Variants in PDGFRA observed in about 807,000 individuals in gnomAD.
The protein encoded by PDGFRA is platelet-derived growth factor receptor alpha.
Under a neutral mutation model 121.5 loss-of-function variants are expected in PDGFRA, and 25 were observed. The ratio of observed to expected loss-of-function variants is 0.21; its 90% CI spans 0.15 to 0.29. The LOEUF is 0.29. Ranked by LOEUF, PDGFRA falls within the 10% of genes least tolerant of loss-of-function variation. The pLI is 1.00. For missense variants in PDGFRA, 1,008 were observed against 1,345.1 expected, an observed-to-expected ratio of 0.75 and a Z score of 3.92; for synonymous variants, 463 against 494.8, an observed-to-expected ratio of 0.94 and a Z score of 0.85.
chr4:54,241,645 G>A (rs531854852), intron 1 of PDGFRA, among the ~76,000 whole-genome samples: 1 of 151,988 alleles, frequency 6.6e-6, no homozygotes, highest in African/African-American at 2.4e-5. Context: ...CGCATCCTGG[G>A]TTCAGGCATT....
At chr4:54,291,893 T>C (rs1274243142) in intron 22 of PDGFRA, among the ~76,000 whole-genome samples, 1 of 152,110 alleles carries the variant, frequency 6.6e-6, no homozygotes, top group Non-Finnish European at 1.5e-5. Flanking sequence ...CCATTGACAG[T>C]AGACTGGATA....
chr4:54,244,039 G>T (rs912091336), intron 1 of PDGFRA, among the ~76,000 whole-genome samples: 3 of 152,234 alleles, frequency 2.0e-5, no homozygotes, highest in African/African-American at 7.2e-5. Flanking sequence ...GCCCAGGCTT[G>T]CTTAGGTAAA....
At chr4:54,249,304 A>C (rs1184018717) in intron 1 of PDGFRA, among the ~76,000 whole-genome samples, 1 of 152,248 alleles carries the variant, frequency 6.6e-6, no homozygotes, top group Non-Finnish European at 1.5e-5. Flanking sequence ...GAAGGATTAT[A>C]AATCATGCTG....
chr4:54,278,039 C>T (rs1185660486), intron 14 of PDGFRA, 33 bp downstream of exon 14: 2 of 1,237,848 alleles, frequency 1.6e-6, no homozygotes, highest in African/African-American at 1.5e-5. Context: ...AGGATTTTCA[C>T]TGGACACATG....
intron 1 of PDGFRA, among the ~76,000 whole-genome samples, chr4:54,232,728 G>A (rs1720754041): frequency 2.0e-5 from 3 of 152,158 alleles, no homozygotes; most frequent in Admixed American, 6.5e-5. Flanking sequence ...GGGATTACAG[G>A]TGCCCGCCAC....
intron 1 of PDGFRA, among the ~76,000 whole-genome samples, chr4:54,237,796 G>A (rs746865864): frequency 5.3e-5 from 8 of 152,146 alleles, no homozygotes; most frequent in Non-Finnish European, 7.3e-5. Flanking sequence ...AAAATGGAAG[G>A]AGGAGGTATA....
In PDGFRA at chr4:54,248,547, C is replaced by T. The variant is rs534355594; in HGVS notation, c.-12-10210C>T. Among the ~76,000 whole-genome samples the T allele has an allele frequency of 5.6e-3, 857 of 152,256 alleles. 5 individuals carry two copies. Among genetic ancestry groups the T allele is most frequent in the African/African-American group, 0.019 (775 of 41,544 alleles). On this transcript the variant is annotated intron_variant, in intron 1 of 22. Transcript: ENST00000257290. Reference sequence around the variant, plus strand: ...GCTGAAACTGGATCCCTTCCTTACACCTTATACAAAAATTAATTCAAGATG... The same window carrying T: ...GCTGAAACTGGATCCCTTCCTTACATCTTATACAAAAATTAATTCAAGATG...
rs554519485 is a variant in PDGFRA, at chr4:54,268,587, C to G, written c.1121+846C>G. Among the ~76,000 whole-genome samples, 3 of 152,336 alleles carry G rather than the reference C, an allele frequency of 2.0e-5. No individual in the cohort carries two copies. In the South Asian group the frequency reaches 6.2e-4, roughly 32 times the overall value. Reference sequence around the variant, plus strand: ...CAGAGCCTTTCTCATCAGTTCCATTCACCTCAGGATTTGCTTTCTTCTTTG... The same window carrying G: ...CAGAGCCTTTCTCATCAGTTCCATTGACCTCAGGATTTGCTTTCTTCTTTG... On this transcript the variant is annotated intron_variant, in intron 7 of 22. Coordinates refer to ENST00000257290, the MANE Select transcript of PDGFRA (RefSeq NM_006206.6).
chr4:54,285,613 C>A (rs1487130500), intron 17 of PDGFRA, 127 bp downstream of exon 17: 1 of 736,168 alleles, frequency 1.4e-6, no homozygotes, highest in Non-Finnish European at 2.5e-6. Context: ...CTGTCTCTCT[C>A]CTTCATCCCC....
chr4:54,268,453 G>A (rs558741606), intron 7 of PDGFRA, among the ~76,000 whole-genome samples: 2 of 152,342 alleles, frequency 1.3e-5, no homozygotes, highest in East Asian at 3.9e-4. Context: ...GAACCCAAGA[G>A]TCAGAAGATA....
At chr4:54,262,204 A>G (rs1028651178) in intron 3 of PDGFRA, among the ~76,000 whole-genome samples, 2 of 151,942 alleles carry the variant, frequency 1.3e-5, no homozygotes, top group African/African-American at 4.8e-5. Flanking sequence ...TGCTGGGATT[A>G]CAGGCGTGAG....
At chr4:54,247,240 A>G (rs1721733836) in intron 1 of PDGFRA, among the ~76,000 whole-genome samples, 1 of 152,230 alleles carries the variant, frequency 6.6e-6, no homozygotes, top group Admixed American at 6.5e-5. Context: ...TCATCCTGAT[A>G]CCAAAGCCAG....
In PDGFRA at chr4:54,280,437, T is replaced by C. The variant is rs779246705; in HGVS notation, c.2278T>C (p.Ser760Pro). The change falls in exon 16 of 23, where the codon TCA becomes CCA. Residue 760 changes from serine to proline, a missense_variant. By Grantham distance (74) the Ser-to-Pro change is moderately conservative. Transcript: ENST00000257290. ...TTCTAAATATTCCGACATCCAGAGA[T>C]CACTCTATGATCGTCCAGCCTCATA... Reference protein sequence around the residue: ...EVSKYSDIQRSLYDRPASYKK... With the variant: ...EVSKYSDIQRPLYDRPASYKK... 8 of 1,613,736 alleles carry C rather than the reference T, an allele frequency of 5.0e-6. No homozygotes were observed. Among genetic ancestry groups the C allele is most frequent in the African/African-American group, 2.7e-5 (2 of 74,948 alleles).
intron 1 of PDGFRA, among the ~76,000 whole-genome samples, chr4:54,238,054 A>G (rs1264019408): frequency 6.6e-6 from 1 of 152,226 alleles, no homozygotes; most frequent in African/African-American, 2.4e-5. Flanking sequence ...GTTATTCTTC[A>G]CAAACACAGC....
rs774809808 is a variant in PDGFRA at position 54,285,957 on chromosome 4, A to G, written c.2556A>G (p.Lys852=). ...TGCATGATTCGAACTATGTGTCGAA[A>G]GGCAGTGTACGTCCTCACTTCCCTC... is the stretch of plus-strand genomic sequence containing the variant. ...DIMHDSNYVS[K]GSTFLPVKWM... The change falls in exon 18 of 23, where the codon AAA becomes AAG. Residue 852 remains lysine (K), a synonymous_variant. Transcript: ENST00000257290. The G allele has an allele frequency of 6.2e-7, 1 of 1,614,154 alleles. No individual in the cohort carries two copies. Among genetic ancestry groups the G allele is most frequent in the East Asian group, 2.2e-5 (1 of 44,886 alleles).
At chr4:54,285,991 G>A (rs767821722) in intron 18 of PDGFRA, 28 bp downstream of exon 18, 18 of 1,610,854 alleles carry the variant, frequency 1.1e-5, no homozygotes, top group Admixed American at 1.7e-5. Context: ...TCACTGGTCA[G>A]GCTCATCCTC....
chr4:54,247,773 A>C (rs1035835923), intron 1 of PDGFRA, among the ~76,000 whole-genome samples: 2 of 152,200 alleles, frequency 1.3e-5, no homozygotes, highest in Admixed American at 6.5e-5. Context: ...GAAAAGAGGA[A>C]GTCAAATTGT....
intron 3 of PDGFRA, among the ~76,000 whole-genome samples, chr4:54,262,703 GA>G (rs923887028): frequency 6.6e-6 from 1 of 151,956 alleles, no homozygotes; most frequent in African/African-American, 2.4e-5. Flanking sequence ...ACTTTGTTTT[GA>G]AAAGGGAAGG....
intron 22 of PDGFRA, 123 bp downstream of exon 22, chr4:54,290,677 G>T (rs1169641834): frequency 9.0e-7 from 1 of 1,115,768 alleles, no homozygotes; most frequent in East Asian, 2.4e-5. Context: ...GGGACAAGTT[G>T]CAGAATCCTC....
Sources: gnomAD v4.1 joint callset for allele counts (sites outside exome capture counted in the v4.1 genomes callset) on GRCh38, gnomAD v4.1.1 for gene constraint, MANE v1.5 for transcripts, NCBI Gene and HGNC (gene_info 2026-07-23, HGNC 2026-07-21) for gene names.